The following ARHGEF10 variants were observed in gnomAD, a reference collection of about 807,000 sequenced individuals.
The protein encoded by ARHGEF10 is Rho guanine nucleotide exchange factor (GEF) 10.
ARHGEF10 carries 140 observed loss-of-function variants against 147.4 expected under a neutral mutation model. The observed-to-expected ratio is 0.95, with a 90% confidence interval of 0.83 to 1.09. The LOEUF (loss-of-function observed/expected upper bound fraction) is 1.09, where lower values mean the gene tolerates loss of function less well. Ranked by LOEUF, ARHGEF10 falls within the 50% of genes least tolerant of loss-of-function variation. ARHGEF10 has a pLI of 0.00. For synonymous variants in ARHGEF10, 902 were observed against 695.8 expected (o/e 1.30, Z -4.67); for missense variants, 2,222 against 1,752.7 (o/e 1.27, Z -4.78).
At chr8:1,833,403 C>T (rs1193092160) in intron 1 of ARHGEF10, among the ~76,000 whole-genome samples, 1 of 144,448 alleles carries the variant, frequency 6.9e-6, no homozygotes, top group East Asian at 2.1e-4. Flanking sequence ...GGGGCAGAGA[C>T]AGAGACAGAG....
chr8:1,830,629 C>T (rs999142785), intron 1 of ARHGEF10, among the ~76,000 whole-genome samples: 5 of 152,308 alleles, frequency 3.3e-5, no homozygotes, highest in Admixed American at 6.5e-5. Flanking sequence ...GCTCTCACGC[C>T]CCAAGGCAGG....
intron 1 of ARHGEF10, among the ~76,000 whole-genome samples, chr8:1,833,189 C>A (rs1326412299): frequency 2.5e-5 from 1 of 39,952 alleles, no homozygotes; most frequent in African/African-American, 1.2e-4. Flanking sequence ...GAGGCAGAGA[C>A]AGAAGCAGAG....
At chr8:1,885,831 T>G in intron 11 of ARHGEF10, 124 bp downstream of exon 11, 82 of 774,512 alleles carry the variant, frequency 1.1e-4, no homozygotes, top group East Asian at 1.6e-4. Context: ...ACTCGGGCCC[T>G]CCACTGTAGG....
intron 26 of ARHGEF10, among the ~76,000 whole-genome samples, chr8:1,938,371 A>G (rs190623641): frequency 2.6e-5 from 4 of 152,300 alleles, no homozygotes; most frequent in Admixed American, 1.3e-4. Context: ...TGGAATGACT[A>G]CAGCTGCTTA....
intron 1 of ARHGEF10, among the ~76,000 whole-genome samples, chr8:1,828,572 CTG>C (rs1802903282): frequency 7.3e-6 from 1 of 136,350 alleles, no homozygotes; most frequent in Non-Finnish European, 1.5e-5. Context: ...TTTTGATAAA[CTG>C]TGGCATGCAC....
chr8:1,833,083 CAG>C (rs1803328800), intron 1 of ARHGEF10, among the ~76,000 whole-genome samples: 1 of 4,674 alleles, frequency 2.1e-4, no homozygotes, highest in Non-Finnish European at 3.8e-4. Flanking sequence ...GGCAGAGAGA[CAG>C]AGACAGAGGC....
chr8:1,873,590 CCTA>C (rs2129102654), intron 7 of ARHGEF10, among the ~76,000 whole-genome samples: 2 of 135,060 alleles, frequency 1.5e-5, no homozygotes, highest in South Asian at 4.9e-4. Context: ...ACCCGCATTT[CCTA>C]GTTGCCTTGA....
rs76111845 is a variant in ARHGEF10 at position 1,893,266 on chromosome 8, A to C, written c.1183-303A>C. Among the ~76,000 whole-genome samples, 34 of 152,350 alleles carry C rather than the reference A, an allele frequency of 2.2e-4. No homozygotes were observed. The East Asian group carries it at 6.4e-3, about 28-fold the overall frequency. ...ATCTACCTGAATGTTGGATACATAAAATACAATCTGTTAATTCAGTATATT... is the reference window on the plus strand; with the variant it reads ...ATCTACCTGAATGTTGGATACATAACATACAATCTGTTAATTCAGTATATT... On this transcript the variant is annotated intron_variant, in intron 11 of 28. Transcript: ENST00000349830.
chr8:1,902,658 G>A (rs1004991508), intron 15 of ARHGEF10, among the ~76,000 whole-genome samples: 1 of 151,936 alleles, frequency 6.6e-6, no homozygotes, highest in African/African-American at 2.4e-5. Context: ...AGCCTGCGTG[G>A]CCACGCAGCC....
At chr8:1,949,766 C>T (rs1394027327) in intron 27 of ARHGEF10, among the ~76,000 whole-genome samples, 3 of 151,866 alleles carry the variant, frequency 2.0e-5, no homozygotes, top group African/African-American at 7.3e-5. Context: ...GGTGAGTTAA[C>T]GAACGAGACT....
chr8:1,903,218 C>A, intron 15 of ARHGEF10, 63 bp from the exon 16 acceptor site: 1 of 1,592,108 alleles, frequency 6.3e-7, no homozygotes, highest in East Asian at 2.2e-5. Flanking sequence ...GCGGGTGACG[C>A]GACTGTTGTT....
intron 15 of ARHGEF10, among the ~76,000 whole-genome samples, chr8:1,900,379 G>A (rs1290970523): frequency 6.6e-6 from 1 of 152,070 alleles, no homozygotes; most frequent in Non-Finnish European, 1.5e-5. Flanking sequence ...TTATGCGCTA[G>A]GAAACTGAGT....
At chr8:1,930,803 A>G (rs940804716) in intron 25 of ARHGEF10, among the ~76,000 whole-genome samples, 12 of 152,186 alleles carry the variant, frequency 7.9e-5, no homozygotes, top group African/African-American at 2.7e-4. Context: ...ACCTGCGCCA[A>G]GAAGGCCTGG....
chr8:1,846,390 T>C (rs1434185598), intron 2 of ARHGEF10, among the ~76,000 whole-genome samples: 1 of 152,182 alleles, frequency 6.6e-6, no homozygotes, highest in South Asian at 2.1e-4. Context: ...TAATTATAAT[T>C]TCCCCCATTA....
chr8:1,947,029 C>T (rs1814646865), intron 27 of ARHGEF10, among the ~76,000 whole-genome samples: 1 of 152,332 alleles, frequency 6.6e-6, no homozygotes, highest in Non-Finnish European at 1.5e-5. Flanking sequence ...TGGTTAAGTC[C>T]CTGTGGCTCA....
rs1345284192 is a variant in ARHGEF10, at chr8:1,957,136, C to G, written c.3908C>G (p.Ala1303Gly). The G allele has an allele frequency of 6.2e-7, 1 of 1,612,562 alleles. No homozygotes were observed. Among genetic ancestry groups the G allele is most frequent in the African/African-American group, 1.3e-5 (1 of 74,930 alleles). ...GCACGCCGGGCCAAGAAAGCCAAGG[C>G]CAGCTCGGCGCTGGTGGTCTGTGGA... ...SKARRAKKAK[A>G]SSALVVCGGQ... The change falls in exon 29 of 29, where the codon GCC (alanine) becomes GGC (glycine). Residue 1303 changes from alanine (A) to glycine (G), a missense_variant. Physicochemically the swap from Ala to Gly is moderately conservative, Grantham distance 60 (BLOSUM62 0). Coordinates refer to ENST00000349830, the MANE Select transcript of ARHGEF10 (RefSeq NM_014629.4).
chr8:1,901,536 G>A lies in ARHGEF10; in HGVS notation c.1651-1745G>A, dbSNP rs190385679. 5.3e-4 allele frequency among the ~76,000 whole-genome samples: 81 copies of A among 152,276 alleles called. 1 individual carries two copies. In the East Asian group the frequency reaches 0.011, roughly 21 times the overall value. ...TTATCCCAGCTACCTATTTCTCTCC[G>A]TTGTTGTGCAAAGATAAGTAACAAT... On this transcript the variant is annotated intron_variant, in intron 15 of 28. Transcript: ENST00000349830.
chr8:1,942,508 T>G (rs1422570698), intron 26 of ARHGEF10, among the ~76,000 whole-genome samples: 1 of 152,014 alleles, frequency 6.6e-6, no homozygotes, highest in Non-Finnish European at 1.5e-5. Context: ...CTGGTGGGAA[T>G]GCAGAATGGT....
At chr8:1,832,924 ACAGAGG>A in intron 1 of ARHGEF10, among the ~76,000 whole-genome samples, 1 of 111,846 alleles carries the variant, frequency 8.9e-6, no homozygotes, top group Non-Finnish European at 1.9e-5. Context: ...AGAGGCAGAG[ACAGAGG>A]CAGAGACAGA....
Sources: allele counts gnomAD v4.1 joint callset (sites outside exome capture counted in the v4.1 genomes callset), GRCh38; gene constraint gnomAD v4.1.1; transcripts MANE v1.5; gene names NCBI Gene and HGNC (gene_info 2026-07-23, HGNC 2026-07-21).